Variants in ADAMTS17 observed in about 807,000 individuals in gnomAD.
ADAMTS17 encodes the protein A disintegrin and metalloproteinase with thrombospondin motifs 17.
A neutral mutation model predicts 141.5 loss-of-function variants in ADAMTS17; 113 were observed. The observed-to-expected ratio is 0.80, with a 90% CI of 0.69 to 0.93. The LOEUF is 0.93. Among genes scored for constraint, ADAMTS17 ranks in the 40% least tolerant of loss-of-function variants. ADAMTS17 has a pLI of 0.00. For missense variants in ADAMTS17, 1,659 were observed against 1,517.9 expected, an observed-to-expected ratio of 1.09 and a Z score of -1.54; for synonymous variants, 768 against 630.6, an observed-to-expected ratio of 1.22 and a Z score of -3.27.
At chr15:100,322,660 T>C (rs751896304) in intron 3 of ADAMTS17, among the ~76,000 whole-genome samples, 1 of 152,188 alleles carries the variant, frequency 6.6e-6, no homozygotes, top group Non-Finnish European at 1.5e-5. Flanking sequence ...GAAGCAATTA[T>C]TACCATAATG....
chr15:100,271,580 GA>G (rs2043913423), intron 4 of ADAMTS17, among the ~76,000 whole-genome samples: 4 of 78,162 alleles, frequency 5.1e-5, no homozygotes, highest in African/African-American at 1.9e-4. Context: ...TTTTTAAATT[GA>G]ATTGTTTTTT....
chr15:100,058,662 G>A (rs2032852809), intron 15 of ADAMTS17, among the ~76,000 whole-genome samples: 1 of 152,018 alleles, frequency 6.6e-6, no homozygotes, highest in African/African-American at 2.4e-5. Flanking sequence ...CCCGACACTG[G>A]GCGGCAGCAG....
intron 6 of ADAMTS17, chr15:100,256,330 C>G (rs1439336883): frequency 6.6e-6 from 1 of 152,306 alleles, no homozygotes; most frequent in African/African-American, 2.4e-5. Context: ...GGCTAACACT[C>G]TGCTGTCGCG....
chr15:100,172,178 G>A (rs1221617157), intron 8 of ADAMTS17, among the ~76,000 whole-genome samples: 1 of 152,196 alleles, frequency 6.6e-6, no homozygotes, highest in Non-Finnish European at 1.5e-5. Flanking sequence ...TCCCAAGTGT[G>A]GCTGCACAGT....
At position 100,341,416 on chromosome 15, in the gene ADAMTS17, G is replaced by A; in HGVS notation, c.80-7C>T. On this transcript the variant is annotated splice_polypyrimidine_tract_variant and splice_region_variant and intron_variant, in intron 1 of 21. Coordinates refer to ENST00000268070, the MANE Select transcript of ADAMTS17 (RefSeq NM_139057.4). The stretch of plus-strand genomic sequence containing the variant: ...GCCGCCGCGTCGCCGACAGCTGCGG[G>A]GAGAGAGGAGACGCGTCAGCGCGGC... The A allele has an allele frequency of 9.8e-7, 1 of 1,015,914 alleles. No homozygotes were observed. Among genetic ancestry groups the A allele is most frequent in the Non-Finnish European group, 1.2e-6 (1 of 851,596 alleles). The allele number at this position is 1,015,914 out of a possible 1,614,324, so 62.9% of individuals were successfully genotyped here.
At chr15:100,095,131 T>C (rs2035682844) in intron 15 of ADAMTS17, among the ~76,000 whole-genome samples, 1 of 152,196 alleles carries the variant, frequency 6.6e-6, no homozygotes, top group Non-Finnish European at 1.5e-5. Context: ...CGGAGGCCAC[T>C]TTCCCCCAAA....
chr15:100,209,295 C>T (rs957053713), intron 7 of ADAMTS17, among the ~76,000 whole-genome samples: 31 of 152,272 alleles, frequency 2.0e-4, no homozygotes, highest in African/African-American at 5.8e-4. Context: ...AGACACCTCT[C>T]GGGGCCCTGC....
chr15:100,302,056 C>A (rs1009004018), intron 3 of ADAMTS17, among the ~76,000 whole-genome samples: 4 of 152,206 alleles, frequency 2.6e-5, no homozygotes, highest in Non-Finnish European at 5.9e-5. Context: ...TAACCCCCTG[C>A]AATCACTTTC....
At chr15:100,095,932 G>T (rs574704831) in intron 15 of ADAMTS17, among the ~76,000 whole-genome samples, 1 of 152,170 alleles carries the variant, frequency 6.6e-6, no homozygotes, top group East Asian at 1.9e-4. Flanking sequence ...CTTCATGCAC[G>T]TTTTAGAAAT....
rs545192207 is a variant in ADAMTS17, at chr15:100,019,717, G to A, written c.2592-22128C>T. Among the ~76,000 whole-genome samples, 24 of 152,270 alleles carry A rather than the reference G, an allele frequency of 1.6e-4. No homozygotes were observed. In the South Asian group the frequency reaches 2.9e-3, roughly 18 times the overall value. ...GAAATGAATCCTAAAACCTTAAGAC[G>A]CCTGTGTGGGCCAAGCTACGTCTGC... is the stretch of plus-strand genomic sequence containing the variant. On this transcript the variant is annotated intron_variant, in intron 18 of 21. Transcript: ENST00000268070.
intron 15 of ADAMTS17, among the ~76,000 whole-genome samples, chr15:100,072,239 G>C (rs1164774736): frequency 1.4e-5 from 2 of 147,886 alleles, no homozygotes; most frequent in Non-Finnish European, 3.0e-5. Flanking sequence ...ACAAACCACT[G>C]CTCAATGAAA....
At chr15:100,060,140 C>G (rs1195591144) in intron 15 of ADAMTS17, among the ~76,000 whole-genome samples, 1 of 152,224 alleles carries the variant, frequency 6.6e-6, no homozygotes, top group Non-Finnish European at 1.5e-5. Context: ...TCTGTGAATT[C>G]TGAAGCTCTG....
intron 19 of ADAMTS17, among the ~76,000 whole-genome samples, chr15:99,996,660 G>T (rs1004024813): frequency 1.3e-5 from 2 of 152,206 alleles, no homozygotes; most frequent in African/African-American, 4.8e-5. Context: ...TTTGGCAATA[G>T]AGGGAACTTT....
At chr15:100,299,958 A>G (rs192587942) in intron 3 of ADAMTS17, among the ~76,000 whole-genome samples, 7 of 152,360 alleles carry the variant, frequency 4.6e-5, no homozygotes, top group Admixed American at 2.0e-4. Flanking sequence ...CACCAGGAAC[A>G]CAGGTGGTGT....
intron 18 of ADAMTS17, among the ~76,000 whole-genome samples, chr15:100,039,587 C>T (rs2031062168): frequency 1.3e-5 from 2 of 152,294 alleles, no homozygotes; most frequent in East Asian, 3.9e-4. Flanking sequence ...TAATGTCATT[C>T]CACGGTGGCC....
At chr15:100,172,915 A>T (rs540216338) in intron 8 of ADAMTS17, among the ~76,000 whole-genome samples, 28 of 152,356 alleles carry the variant, frequency 1.8e-4, no homozygotes, top group African/African-American at 6.7e-4. Context: ...TAACAAAGGA[A>T]CAAGCATTCT....
intron 3 of ADAMTS17, among the ~76,000 whole-genome samples, chr15:100,324,522 T>C (rs577604994): frequency 6.6e-6 from 1 of 152,322 alleles, no homozygotes; most frequent in Non-Finnish European, 1.5e-5. Flanking sequence ...GCAAGGACCA[T>C]ACTATGTCAT....
chr15:100,115,487 A>T (rs2037059568), intron 13 of ADAMTS17, among the ~76,000 whole-genome samples: 1 of 152,182 alleles, frequency 6.6e-6, no homozygotes, highest in African/African-American at 2.4e-5. Context: ...AATACTTTCA[A>T]ATGAGTCCTC....
intron 7 of ADAMTS17, among the ~76,000 whole-genome samples, chr15:100,247,566 A>G (rs1231157565): frequency 6.6e-6 from 1 of 152,200 alleles, no homozygotes; most frequent in African/African-American, 2.4e-5. Context: ...AGGGTGACCA[A>G]TGTGGAAGGG....
Sources: allele counts gnomAD v4.1 joint callset (sites outside exome capture counted in the v4.1 genomes callset), GRCh38; gene constraint gnomAD v4.1.1; transcripts MANE v1.5; gene names NCBI Gene and HGNC (gene_info 2026-07-23, HGNC 2026-07-21).